Variants in ZMYND8 observed in about 807,000 individuals in gnomAD.
ZMYND8 encodes zinc finger MYND-type containing 8.
A neutral mutation model predicts 140.8 loss-of-function variants in ZMYND8; 37 were observed. The observed-to-expected ratio is 0.26, with a 90% CI of 0.20 to 0.35. The LOEUF is 0.35. Ranked by LOEUF, ZMYND8 falls within the 10% of genes least tolerant of loss-of-function variation. The probability of loss-of-function intolerance (pLI) is 1.00; values close to 1 mark genes in which losing one functional copy is unlikely to be tolerated. For synonymous variants in ZMYND8, 592 were observed against 597.1 expected, an observed-to-expected ratio of 0.99 and a Z score of 0.12; for missense variants, 1,068 against 1,570.0, an observed-to-expected ratio of 0.68 and a Z score of 5.40.
chr20:47,281,323 G>A (rs1051617344), intron 10 of ZMYND8, among the ~76,000 whole-genome samples: 2 of 152,184 alleles, frequency 1.3e-5, no homozygotes, highest in Non-Finnish European at 2.9e-5. Flanking sequence ...TGGACACTCT[G>A]TGTGTGTACA....
At position 47,242,767 on chromosome 20, in the gene ZMYND8, T is replaced by C. The variant is rs1212658593; in HGVS notation, c.2284+3241A>G. On this transcript the variant is annotated intron_variant, in intron 14 of 22. Coordinates refer to ENST00000471951, the MANE Select transcript of ZMYND8 (RefSeq NM_001281775.3). Reference sequence around the variant, plus strand: ...CAGGCTCAAAATTGTTTGAAGTTATTTAGATATCAAAATATTTAAATTTCC... The same window carrying C: ...CAGGCTCAAAATTGTTTGAAGTTATCTAGATATCAAAATATTTAAATTTCC... 4.6e-5 allele frequency among the ~76,000 whole-genome samples: 7 copies of C among 152,358 alleles called. No individual in the cohort carries two copies. In the East Asian group the frequency reaches 1.2e-3, roughly 25 times the overall value.
chr20:47,290,802 G>A (rs1446196593), intron 6 of ZMYND8, among the ~76,000 whole-genome samples: 2 of 151,700 alleles, frequency 1.3e-5, no homozygotes, highest in Non-Finnish European at 2.9e-5. Flanking sequence ...TGTTGGTCAG[G>A]CTGGTCTCGA....
intron 16 of ZMYND8, among the ~76,000 whole-genome samples, chr20:47,234,193 C>G (rs1262141507): frequency 6.6e-6 from 1 of 152,186 alleles, no homozygotes; most frequent in Non-Finnish European, 1.5e-5. Context: ...GGACTACAGG[C>G]GCATGCCATC....
chr20:47,277,871 A>G (rs562147250), intron 10 of ZMYND8, among the ~76,000 whole-genome samples: 1 of 152,004 alleles, frequency 6.6e-6, no homozygotes, highest in South Asian at 2.1e-4. Flanking sequence ...GTGTTTCACT[A>G]TATGTTAGCC....
chr20:47,236,637 A>C, intron 15 of ZMYND8, 121 bp from the exon 16 acceptor site: 1 of 1,067,584 alleles, frequency 9.4e-7, no homozygotes, highest in Non-Finnish European at 1.3e-6. Context: ...TTAAATGACA[A>C]AGATGCTCCC....
chr20:47,236,479 C>A lies in ZMYND8; in HGVS notation c.2703G>T (p.Thr901=). The part of the protein sequence containing the change: ...QQKEITQSPS[T]STITLVTSTQ... ...TGCTGGTCACCAGGGTGATGGTGGA[C>A]GTGGATGGGCTCTGTGTGATCTCCT... is the stretch of plus-strand genomic sequence containing the variant. Residue 901 remains threonine (T), a synonymous_variant, in exon 16 of 23, where the codon ACG becomes ACT. Coordinates refer to ENST00000471951, the MANE Select transcript of ZMYND8 (RefSeq NM_001281775.3). 6.2e-7 allele frequency: 1 copy of A among 1,604,726 alleles called. No homozygotes were observed. The highest frequency in any genetic ancestry group is 8.5e-7 in the Non-Finnish European group (1 of 1,175,108).
At chr20:47,287,844 A>ACACACACG (rs969075109) in intron 7 of ZMYND8, among the ~76,000 whole-genome samples, 1 of 92,724 alleles carries the variant, frequency 1.1e-5, no homozygotes, top group Non-Finnish European at 2.0e-5. Flanking sequence ...AACAACACAC[A>ACACACACG]CACACACGCA....
At chr20:47,342,178 G>A (rs556851201) in intron 2 of ZMYND8, among the ~76,000 whole-genome samples, 18 of 151,394 alleles carry the variant, frequency 1.2e-4, no homozygotes, top group African/African-American at 2.7e-4. Flanking sequence ...TCTCAAAAAC[G>A]AACAAACAAA....
In ZMYND8 at chr20:47,309,767, GA is replaced by G. The variant is rs771877520; in HGVS notation, c.234+288del. ...ATGGGGAAAACAGTCCTAAAAGCAT[GA>G]AAAAAAAAAAAATACAAATACAAGG... On this transcript the variant is annotated intron_variant, in intron 3 of 22. Transcript: ENST00000471951. Among the ~76,000 whole-genome samples the G allele has an allele frequency of 6.2e-3, 860 of 139,148 alleles. 4 individuals are homozygous for G. The highest frequency in any genetic ancestry group is 5.1e-3 in the Non-Finnish European group (327 of 63,722). 91.3% of individuals were successfully genotyped at this position (139,148 alleles called of 152,430 possible).
chr20:47,265,943 T>G (rs1171040480), intron 11 of ZMYND8, among the ~76,000 whole-genome samples: 1 of 150,754 alleles, frequency 6.6e-6, no homozygotes, highest in Non-Finnish European at 1.5e-5. Flanking sequence ...AAACATTGGT[T>G]TCCCATGGAG....
chr20:47,268,154 T>C (rs961709641), intron 11 of ZMYND8, among the ~76,000 whole-genome samples: 6 of 152,102 alleles, frequency 3.9e-5, no homozygotes, highest in Non-Finnish European at 1.5e-5. Flanking sequence ...GTAGTCATGA[T>C]AAGCAATAAA....
At chr20:47,254,187 T>G (rs1221886169) in intron 12 of ZMYND8, among the ~76,000 whole-genome samples, 3 of 152,240 alleles carry the variant, frequency 2.0e-5, no homozygotes, top group Non-Finnish European at 4.4e-5. Context: ...TCAGCTGATA[T>G]GAAGACAGCT....
intron 5 of ZMYND8, 30 bp downstream of exon 5, chr20:47,294,636 C>T (rs200489784): frequency 2.0e-5 from 31 of 1,589,178 alleles, no homozygotes; most frequent in Admixed American, 6.7e-5. Flanking sequence ...CGTTCATTTA[C>T]GCGTATACCA....
rs922267759 is a variant in ZMYND8, at chr20:47,216,582, G to A, written c.3484+3676C>T. Among the ~76,000 whole-genome samples, 6 of 147,876 alleles carry A rather than the reference G, an allele frequency of 4.1e-5. No individual in the cohort carries two copies. In the South Asian group the frequency reaches 1.3e-3, roughly 32 times the overall value. On this transcript the variant is annotated intron_variant, in intron 21 of 22. Coordinates refer to ENST00000471951, the MANE Select transcript of ZMYND8 (RefSeq NM_001281775.3). The stretch of plus-strand genomic sequence containing the variant: ...AGCACTTTGGGAGGCCAAGGCACGT[G>A]AAATCACCTGAGGTCAGGGGTTCAA...
intron 8 of ZMYND8, 50 bp downstream of exon 8, chr20:47,287,179 C>G: frequency 6.5e-7 from 1 of 1,538,050 alleles, no homozygotes; most frequent in Non-Finnish European, 9.0e-7. Context: ...TCAGCTGCCC[C>G]ATCCCCTCCT....
At chr20:47,249,519 C>A in intron 12 of ZMYND8, 80 bp from the exon 13 acceptor site, 1 of 1,548,144 alleles carries the variant, frequency 6.5e-7, no homozygotes, top group African/African-American at 1.4e-5. Flanking sequence ...AAAGTCAGAG[C>A]AAAACACACA....
chr20:47,317,899 T>A (rs2079542532), intron 2 of ZMYND8, among the ~76,000 whole-genome samples: 1 of 152,216 alleles, frequency 6.6e-6, no homozygotes, highest in Non-Finnish European at 1.5e-5. Context: ...TGGTACCTTG[T>A]AAAGTTATCG....
intron 2 of ZMYND8, among the ~76,000 whole-genome samples, chr20:47,318,118 T>C (rs1384205159): frequency 6.6e-6 from 1 of 152,070 alleles, no homozygotes; most frequent in Non-Finnish European, 1.5e-5. Flanking sequence ...GTTAAATCAA[T>C]TCCACAAGTT....
At chr20:47,307,673 C>T (rs1212006283) in intron 3 of ZMYND8, among the ~76,000 whole-genome samples, 1 of 150,364 alleles carries the variant, frequency 6.7e-6, no homozygotes, top group African/African-American at 2.5e-5. Flanking sequence ...ACTAAAAATA[C>T]AAAACTTAGC....
Sources: gnomAD v4.1 joint callset for allele counts (sites outside exome capture counted in the v4.1 genomes callset) on GRCh38, gnomAD v4.1.1 for gene constraint, MANE v1.5 for transcripts, NCBI Gene and HGNC (gene_info 2026-07-23, HGNC 2026-07-21) for gene names.